TAS2R4: variants seen among roughly 807,000 people sequenced by gnomAD.
TAS2R4 encodes taste 2 receptor member 4, also known as taste receptor type 2 member 4.
TAS2R4 carries 18 observed loss-of-function variants against 14.3 expected under a neutral mutation model. The observed-to-expected ratio is 1.26, with a 90% CI of 0.87 to 1.86. The LOEUF is 1.86. Among genes scored for constraint, TAS2R4 ranks in the 40% most tolerant of loss-of-function variants. The pLI is 0.00. For missense variants in TAS2R4, 306 were observed against 342.7 expected, an observed-to-expected ratio of 0.89 and a Z score of 0.85; for synonymous variants, 130 against 138.5, an observed-to-expected ratio of 0.94 and a Z score of 0.43.
At position 141,778,929 on chromosome 7, in the gene TAS2R4, C is replaced by T. The variant is rs1241874719; in HGVS notation, c.441C>T (p.Tyr147=). 6.8e-6 allele frequency: 11 copies of T among 1,614,122 alleles called. No individual in the cohort carries two copies. The highest frequency in any genetic ancestry group is 9.3e-6 in the Non-Finnish European group (11 of 1,180,054). ...TTTCTGCTTTCACCACTTGCCTGTACATCACGCTTAGCCAGGCATCACCTT... is the reference window on the plus strand; with the variant it reads ...TTTCTGCTTTCACCACTTGCCTGTATATCACGCTTAGCCAGGCATCACCTT... ...VLISAFTTCL[Y]ITLSQASPFP... is the part of the protein sequence containing the mutation. The change falls in exon 1 of 1, where the codon TAC becomes TAT. Residue 147 remains tyrosine (Y), a synonymous_variant. Transcript: ENST00000247881.
Position 141,778,780 on chromosome 7 carries a change from T to A in TAS2R4, c.292T>A (p.Phe98Ile). The A allele has an allele frequency of 6.2e-7, 1 of 1,614,238 alleles. No homozygotes were observed. ...FMFLDSSSVW[F>I]VTLLNILYCV... is the part of the protein sequence containing the mutation. ...GTTTTTGGACTCGAGCAGTGTCTGG[T>A]TTGTGACCTTGCTCAATATCTTGTA... Residue 98 changes from phenylalanine (F) to isoleucine (I), a missense_variant, in exon 1 of 1, where the codon TTT (phenylalanine) becomes ATT (isoleucine). Coordinates refer to ENST00000247881, the MANE Select transcript of TAS2R4 (RefSeq NM_016944.2).
At position 141,780,673 on chromosome 7, in the gene TAS2R4, C is replaced by T. The variant is rs1409856401; in HGVS notation, c.*1285C>T. On this transcript the variant is annotated 3_prime_UTR_variant, in exon 1 of 1. Coordinates refer to ENST00000247881, the MANE Select transcript of TAS2R4 (RefSeq NM_016944.2). ...CCATTGGACTGTGGCTCCAAAAGAA[C>T]AACAGTCTGAAGATGGGATGTTGAC... 6.6e-6 allele frequency: 1 copy of T among 152,072 alleles called. No individual in the cohort carries two copies. The highest frequency in any genetic ancestry group is 6.5e-5 in the Admixed American group (1 of 15,282). 9.4% of individuals were successfully genotyped at this position (152,072 alleles called of 1,614,324 possible).
In TAS2R4 at chr7:141,777,350, C is replaced by A. The variant is rs1800256433; in HGVS notation, c.-1139C>A. ...CCTGATTATTATTAAATCTTAGCTCCTTTTTCTTGTCTGTTTCTATTTGGA... is the reference window on the plus strand; with the variant it reads ...CCTGATTATTATTAAATCTTAGCTCATTTTTCTTGTCTGTTTCTATTTGGA... On this transcript the variant is annotated 5_prime_UTR_variant, in exon 1 of 1. Transcript: ENST00000247881. Among the ~76,000 whole-genome samples, 1 of 152,132 alleles carries A rather than the reference C, an allele frequency of 6.6e-6. No homozygotes were observed. Among genetic ancestry groups the A allele is most frequent in the South Asian group, 2.1e-4 (1 of 4,832 alleles).
Position 141,777,197 on chromosome 7 carries a change from T to C in TAS2R4, c.-1292T>C, listed in dbSNP as rs1399191723. ...CTTACCTGATGTGGGCATGCCTCTA[T>C]CAGTGCCTGTTAGTTTTGAATAAAA... On this transcript the variant is annotated 5_prime_UTR_variant, in exon 1 of 1. Coordinates refer to ENST00000247881, the MANE Select transcript of TAS2R4 (RefSeq NM_016944.2). Among the ~76,000 whole-genome samples, 2 of 152,320 alleles carry C rather than the reference T, an allele frequency of 1.3e-5. No individual in the cohort carries two copies. Among genetic ancestry groups the C allele is most frequent in the Middle Eastern group, 6.8e-3 (2 of 294 alleles).
rs1800261466 is a variant in TAS2R4 at position 141,777,775 on chromosome 7, A to G, written c.-714A>G. Among the ~76,000 whole-genome samples the G allele has an allele frequency of 1.4e-5, 2 of 146,740 alleles. No individual in the cohort carries two copies. Among genetic ancestry groups the G allele is most frequent in the South Asian group, 4.5e-4 (2 of 4,478 alleles). ...TCTAAGGAAAACCAGAACATAGCAA[A>G]TGGTTATGGCACAAATCTATGTATG... is the stretch of plus-strand genomic sequence containing the variant. On this transcript the variant is annotated 5_prime_UTR_variant, in exon 1 of 1. The change abolishes an upstream ATG in the 5' untranslated region. Transcript: ENST00000247881.
At position 141,778,496 on chromosome 7, in the gene TAS2R4, G is replaced by A. The variant is rs2233995; in HGVS notation, c.8G>A (p.Arg3Gln). Residue 3 changes from arginine to glutamine, a missense_variant, in exon 1 of 1, where the codon CGG (arginine) becomes CAG (glutamine). By Grantham distance (43) the Arg-to-Gln change is conservative. Coordinates refer to ENST00000247881, the MANE Select transcript of TAS2R4 (RefSeq NM_016944.2). MLRLFYFSAIIAS... is the reference protein window; with the variant it reads MLQLFYFSAIIAS... Reference sequence around the variant, plus strand: ...AATCCTCAATGAGTAAAGATGCTTCGGTTATTCTATTTCTCTGCTATTATT... The same window carrying A: ...AATCCTCAATGAGTAAAGATGCTTCAGTTATTCTATTTCTCTGCTATTATT... 3,658 of 1,609,542 alleles carry A rather than the reference G, an allele frequency of 2.3e-3. 58 individuals are homozygous for A. The African/African-American group carries it at 0.042, about 18-fold the overall frequency.
rs1800254483 is a variant in TAS2R4 at position 141,777,177 on chromosome 7, C to T, written c.-1312C>T. Among the ~76,000 whole-genome samples the T allele has an allele frequency of 1.3e-5, 2 of 152,086 alleles. No individual in the cohort carries two copies. The highest frequency in any genetic ancestry group is 4.8e-5 in the African/African-American group (2 of 41,404). On this transcript the variant is annotated 5_prime_UTR_variant, in exon 1 of 1. Transcript: ENST00000247881. ...TGGCTCATTCTGTTTGCCTGCTTAC[C>T]TGATGTGGGCATGCCTCTATCAGTG...
chr7:141,778,669 C>G lies in TAS2R4; in HGVS notation c.181C>G (p.Leu61Val), dbSNP rs1244879894. The G allele has an allele frequency of 1.2e-6, 2 of 1,614,088 alleles. No homozygotes were observed. Among genetic ancestry groups the G allele is most frequent in the East Asian group, 4.5e-5 (2 of 44,904 alleles). ...CATCACCAGGTTTCTTATGCTGGGA[C>G]TATTTCTGGTGAACACCATCTACTT... is the stretch of plus-strand genomic sequence containing the variant. The part of the protein sequence containing the change: ...LGITRFLMLG[L>V]FLVNTIYFVS... Residue 61 changes from leucine (L) to valine (V), a missense_variant, in exon 1 of 1, where the codon CTA becomes GTA. Physicochemically the swap from Leu to Val is conservative, Grantham distance 32. Coordinates refer to ENST00000247881, the MANE Select transcript of TAS2R4 (RefSeq NM_016944.2).
chr7:141,779,253 A>G lies in TAS2R4; in HGVS notation c.765A>G (p.Ala255=), dbSNP rs1040128401. ...ATLVQYLPFY[A]GMDMGTKSIC... ...TGGTCCAGTATCTCCCCTTTTATGCAGGGATGGATATGGGGACCAAATCCA... is the reference window on the plus strand; with the variant it reads ...TGGTCCAGTATCTCCCCTTTTATGCGGGGATGGATATGGGGACCAAATCCA... The change falls in exon 1 of 1, where the codon GCA becomes GCG. Residue 255 remains alanine, a synonymous_variant. Coordinates refer to ENST00000247881, the MANE Select transcript of TAS2R4 (RefSeq NM_016944.2). 3 of 1,614,204 alleles carry G rather than the reference A, an allele frequency of 1.9e-6. No individual in the cohort carries two copies. The highest frequency in any genetic ancestry group is 2.5e-6 in the Non-Finnish European group (3 of 1,180,040).
In TAS2R4 at chr7:141,779,387, A is replaced by G; in HGVS notation, c.899A>G (p.Ter300TrpextTer33). 6.3e-7 allele frequency: 1 copy of G among 1,593,416 alleles called. No homozygotes were observed. The change falls in exon 1 of 1, where the codon TAG becomes TGG. Residue 300 changes from the stop codon to tryptophan, a stop_lost. Coordinates refer to ENST00000247881, the MANE Select transcript of TAS2R4 (RefSeq NM_016944.2). The part of the protein sequence containing the change: ...TAKKILCFKK[*>W] ...AAGAAGATTCTTTGTTTCAAAAAAT[A>G]GTGGAATTTCAGTAAACAATACCTA...
Position 141,779,242 on chromosome 7 carries a change from C to T in TAS2R4, c.754C>T (p.Pro252Ser), listed in dbSNP as rs748070625. ...AGTTGCTACCCTGGTCCAGTATCTC[C>T]CCTTTTATGCAGGGATGGATATGGG... ...YSVATLVQYL[P>S]FYAGMDMGTK... Residue 252 changes from proline (P) to serine (S), a missense_variant, in exon 1 of 1, where the codon CCC becomes TCC. Pro to Ser is a moderately conservative substitution (Grantham distance 74). Coordinates refer to ENST00000247881, the MANE Select transcript of TAS2R4 (RefSeq NM_016944.2). The T allele has an allele frequency of 1.9e-6, 3 of 1,614,194 alleles. No individual in the cohort carries two copies. Among genetic ancestry groups the T allele is most frequent in the Non-Finnish European group, 2.5e-6 (3 of 1,180,026 alleles).
rs1800299602 is a variant in TAS2R4 at position 141,779,891 on chromosome 7, G to T, written c.*503G>T. 6.5e-6 allele frequency: 1 copy of T among 154,022 alleles called. No homozygotes were observed. The highest frequency in any genetic ancestry group is 2.4e-5 in the African/African-American group (1 of 41,426). 9.5% of individuals were successfully genotyped at this position (154,022 alleles called of 1,614,324 possible). A position where few individuals can be genotyped will look rare whatever the true frequency, so the allele number is the denominator to read the frequency against. ...AGGAAGGTTTCAGAGAGAAAAGAAG[G>T]AAAGAGAAAGGTGAAGAGAAATAGG... On this transcript the variant is annotated 3_prime_UTR_variant, in exon 1 of 1. Coordinates refer to ENST00000247881, the MANE Select transcript of TAS2R4 (RefSeq NM_016944.2).
In TAS2R4 at chr7:141,779,275, T is replaced by C; in HGVS notation, c.787T>C (p.Ser263Pro). 6.2e-7 allele frequency: 1 copy of C among 1,614,196 alleles called. No homozygotes were observed. Among genetic ancestry groups the C allele is most frequent in the South Asian group, 1.1e-5 (1 of 91,082 alleles). ...FYAGMDMGTK[S>P]ICLIFATLYS... ...TGCAGGGATGGATATGGGGACCAAA[T>C]CCATTTGTCTGATTTTTGCCACCCT... The change falls in exon 1 of 1, where the codon TCC becomes CCC. Residue 263 changes from serine (S) to proline (P), a missense_variant. Ser to Pro is a moderately conservative substitution (Grantham distance 74, BLOSUM62 -1). Transcript: ENST00000247881.
Position 141,779,511 on chromosome 7 carries a change from T to A in TAS2R4, c.*123T>A. 1 of 941,542 alleles carries A rather than the reference T, an allele frequency of 1.1e-6. No homozygotes were observed. The highest frequency in any genetic ancestry group is 1.5e-6 in the Non-Finnish European group (1 of 673,706). The allele number at this position is 941,542 out of a possible 1,614,324, so 58.3% of individuals were successfully genotyped here. A position where few individuals can be genotyped will look rare whatever the true frequency, so the allele number is the denominator to read the frequency against. On this transcript the variant is annotated 3_prime_UTR_variant, in exon 1 of 1. Coordinates refer to ENST00000247881, the MANE Select transcript of TAS2R4 (RefSeq NM_016944.2). Reference sequence around the variant, plus strand: ...GATTGCTGATCTGACATCATAGGCTTTTGAGTGCCTGAATTTCAGTTCATT... The same window carrying A: ...GATTGCTGATCTGACATCATAGGCTATTGAGTGCCTGAATTTCAGTTCATT...
rs751276881 is a variant in TAS2R4 at position 141,778,806 on chromosome 7, C to T, written c.318C>T (p.Tyr106=). 1.4e-5 allele frequency: 22 copies of T among 1,614,060 alleles called. No individual in the cohort carries two copies. The highest frequency in any genetic ancestry group is 1.6e-4 in the Middle Eastern group (1 of 6,084). The change falls in exon 1 of 1, where the codon TAC becomes TAT. Residue 106 remains tyrosine, a synonymous_variant. Transcript: ENST00000247881. The part of the protein sequence containing the change: ...VWFVTLLNIL[Y]CVKITNFQHS... ...TTGTGACCTTGCTCAATATCTTGTA[C>T]TGTGTGAAGATTACTAACTTCCAAC...
At position 141,778,997 on chromosome 7, in the gene TAS2R4, T is replaced by A. The variant is rs1305250616; in HGVS notation, c.509T>A (p.Ile170Asn). ...VTTRNNTSFNISEGILSLVVS... is the reference protein window; with the variant it reads ...VTTRNNTSFNNSEGILSLVVS... Reference sequence around the variant, plus strand: ...ACGAGAAATAACACATCATTTAATATCAGTGAGGGCATCTTGTCTTTAGTG... The same window carrying A: ...ACGAGAAATAACACATCATTTAATAACAGTGAGGGCATCTTGTCTTTAGTG... Residue 170 changes from isoleucine to asparagine, a missense_variant, in exon 1 of 1, where the codon ATC (isoleucine) becomes AAC (asparagine). Transcript: ENST00000247881. The A allele has an allele frequency of 1.1e-5, 17 of 1,614,140 alleles. No individual in the cohort carries two copies. The South Asian group carries it at 1.8e-4, about 17-fold the overall frequency.
In TAS2R4 at chr7:141,778,639, C is replaced by T. The variant is rs1330943308; in HGVS notation, c.151C>T (p.Leu51=). 2 of 1,614,218 alleles carry T rather than the reference C, an allele frequency of 1.2e-6. No homozygotes were observed. Among genetic ancestry groups the T allele is most frequent in the African/African-American group, 2.7e-5 (2 of 75,042 alleles). The change falls in exon 1 of 1, where the codon CTG becomes TTG. Residue 51 remains leucine, a synonymous_variant. Transcript: ENST00000247881. ...ISSSDRILFS[L]GITRFLMLGL... is the part of the protein sequence containing the mutation. ...CTCTTCTGATAGGATTCTGTTCAGC[C>T]TGGGCATCACCAGGTTTCTTATGCT... is the stretch of plus-strand genomic sequence containing the variant.
In TAS2R4 at chr7:141,779,446, GT is replaced by G. The variant is rs892957374; in HGVS notation, c.*61del. ...TGATGGTTTGGGGGCAAGATTTTCT[GT>G]TTGCAGTTTTCCCAGTGATCTGGGG... On this transcript the variant is annotated 3_prime_UTR_variant, in exon 1 of 1. Coordinates refer to ENST00000247881, the MANE Select transcript of TAS2R4 (RefSeq NM_016944.2). The G allele has an allele frequency of 1.3e-6, 2 of 1,486,206 alleles. No homozygotes were observed. Among genetic ancestry groups the G allele is most frequent in the African/African-American group, 1.4e-5 (1 of 71,672 alleles). The allele number at this position is 1,486,206 out of a possible 1,614,324, so 92.1% of individuals were successfully genotyped here.
rs1300079462 is a variant in TAS2R4, at chr7:141,776,702, TATC to T, written c.-1784_-1782del. 6.6e-6 allele frequency among the ~76,000 whole-genome samples: 1 copy of T among 152,022 alleles called. No homozygotes were observed. Among genetic ancestry groups the T allele is most frequent in the African/African-American group, 2.4e-5 (1 of 41,394 alleles). On this transcript the variant is annotated 5_prime_UTR_variant, in exon 1 of 1. Coordinates refer to ENST00000247881, the MANE Select transcript of TAS2R4 (RefSeq NM_016944.2). ...GAAACATAGTTGATGTTCTTACCCT[TATC>T]ATATAAGGATAAGATTATCCTTATC...
Sources: allele counts gnomAD v4.1 joint callset (sites outside exome capture counted in the v4.1 genomes callset), GRCh38; gene constraint gnomAD v4.1.1; transcripts MANE v1.5; gene names NCBI Gene and HGNC (gene_info 2026-07-23, HGNC 2026-07-21).